The following GNAL variants were observed in gnomAD, a reference collection of about 807,000 sequenced individuals.
The protein encoded by GNAL is G protein subunit alpha L, also known as guanine nucleotide-binding protein G(olf) subunit alpha.
Under a neutral mutation model 55.1 loss-of-function variants are expected in GNAL, and 18 were observed. That is an observed-to-expected ratio of 0.33 (90% confidence interval 0.23 to 0.48). The LOEUF (loss-of-function observed/expected upper bound fraction) is 0.48. GNAL is among the 20% of genes least tolerant of loss of function. The pLI, the probability that GNAL is intolerant of heterozygous loss-of-function variation, is 0.99. For synonymous variants in GNAL, 253 were observed against 237.0 expected (o/e 1.07, Z -0.62); for missense variants, 412 against 614.1 (o/e 0.67, Z 3.48).
intron 1 of GNAL, among the ~76,000 whole-genome samples, chr18:11,724,863 C>T (rs954561327): frequency 1.3e-5 from 2 of 152,162 alleles, no homozygotes; most frequent in African/African-American, 4.8e-5. Context: ...GTCCTTATCC[C>T]CAGAGAATGG....
Position 11,730,085 on chromosome 18 carries a change from C to T in GNAL, c.377-22768C>T, listed in dbSNP as rs112302314. ...GTCTCGCTCTTTCGCCCAGGCCGAA[C>T]TGCAGTGGCGCTATCTCGGCTCACT... On this transcript the variant is annotated intron_variant, in intron 1 of 11. Transcript: ENST00000334049. Among the ~76,000 whole-genome samples the T allele has an allele frequency of 7.3e-3, 1,113 of 151,430 alleles. 16 individuals carry two copies. Among genetic ancestry groups the T allele is most frequent in the African/African-American group, 0.026 (1,052 of 41,084 alleles).
intron 5 of GNAL, among the ~76,000 whole-genome samples, chr18:11,847,802 C>G (rs1317767782): frequency 6.6e-6 from 1 of 152,056 alleles, no homozygotes; most frequent in South Asian, 2.1e-4. Flanking sequence ...AGGACCAAAA[C>G]CTCCTTTAAT....
chr18:11,821,943 C>A (rs373295779), intron 4 of GNAL, among the ~76,000 whole-genome samples: 1 of 152,252 alleles, frequency 6.6e-6, no homozygotes, highest in Non-Finnish European at 1.5e-5. Context: ...GGCCAGAACG[C>A]GCCCAGGCCA....
chr18:11,721,886 CAAAA>C (rs2032101648), intron 1 of GNAL, among the ~76,000 whole-genome samples: 1 of 134,998 alleles, frequency 7.4e-6, no homozygotes, highest in Admixed American at 7.4e-5. Context: ...AACTCTGTCT[CAAAA>C]AATAAATAAA....
intron 5 of GNAL, among the ~76,000 whole-genome samples, chr18:11,834,622 A>G (rs2035460965): frequency 1.3e-5 from 2 of 152,052 alleles, no homozygotes; most frequent in South Asian, 4.1e-4. Flanking sequence ...GGTGGCTGAG[A>G]CAGGAGGATT....
At chr18:11,733,597 G>A (rs1348271781) in intron 1 of GNAL, among the ~76,000 whole-genome samples, 1 of 152,220 alleles carries the variant, frequency 6.6e-6, no homozygotes, top group Non-Finnish European at 1.5e-5. Context: ...ATACTATTCA[G>A]CTGTAAAAAG....
At chr18:11,780,376 T>TA (rs199740761) in intron 4 of GNAL, among the ~76,000 whole-genome samples, 33,888 of 148,382 alleles carry the variant, frequency 0.23, 4,891 homozygotes, top group African/African-American at 0.42. Flanking sequence ...CTCTTATATT[T>TA]AAAAAAAAAA....
At chr18:11,879,850 C>T (rs1053150788) in intron 11 of GNAL, among the ~76,000 whole-genome samples, 1 of 152,218 alleles carries the variant, frequency 6.6e-6, no homozygotes, top group African/African-American at 2.4e-5. Flanking sequence ...CAAACGTTCC[C>T]CCGATAACCA....
chr18:11,698,928 A>C lies in GNAL; in HGVS notation c.376+8989A>C, dbSNP rs573029293. Among the ~76,000 whole-genome samples the C allele has an allele frequency of 2.0e-5, 3 of 146,692 alleles. No individual in the cohort carries two copies. The East Asian group carries it at 5.8e-4, about 28-fold the overall frequency. On this transcript the variant is annotated intron_variant, in intron 1 of 11. Transcript: ENST00000334049. ...TAATGGCAAGCAGGTTTTTCAGTTG[A>C]GTTGAGACCAAGAGACCTAGCTAAT...
chr18:11,769,169 T>C, intron 4 of GNAL, among the ~76,000 whole-genome samples: 1 of 111,284 alleles, frequency 9.0e-6, no homozygotes, highest in South Asian at 3.1e-4. Context: ...ATATGTAATA[T>C]ATATTATAAT....
At chr18:11,737,268 C>T (rs989263352) in intron 1 of GNAL, among the ~76,000 whole-genome samples, 1 of 152,194 alleles carries the variant, frequency 6.6e-6, no homozygotes, top group Non-Finnish European at 1.5e-5. Flanking sequence ...GCTTACTGTG[C>T]ATGTTTTAAT....
At chr18:11,738,649 G>A (rs148110671) in intron 1 of GNAL, among the ~76,000 whole-genome samples, 1,567 of 152,154 alleles carry the variant, frequency 0.01, 25 homozygotes, top group African/African-American at 0.036. Flanking sequence ...GGGTTTCACC[G>A]TGTTGGCCAG....
At chr18:11,808,747 C>G (rs1334755358) in intron 4 of GNAL, among the ~76,000 whole-genome samples, 1 of 152,180 alleles carries the variant, frequency 6.6e-6, no homozygotes, top group Non-Finnish European at 1.5e-5. Flanking sequence ...GTAGAAACAG[C>G]CTAAATGTTC....
At chr18:11,870,354 C>G (rs1182994847) in intron 9 of GNAL, among the ~76,000 whole-genome samples, 1 of 152,070 alleles carries the variant, frequency 6.6e-6, no homozygotes, top group Non-Finnish European at 1.5e-5. Context: ...AACCCCGTCT[C>G]TACTAAAACT....
chr18:11,763,053 T>C (rs1195107918), intron 4 of GNAL, among the ~76,000 whole-genome samples: 2 of 152,238 alleles, frequency 1.3e-5, no homozygotes, highest in African/African-American at 4.8e-5. Context: ...ATAAAGATAC[T>C]TTTCTTAAAT....
chr18:11,860,868 T>TCAGC (rs911652462), intron 5 of GNAL, among the ~76,000 whole-genome samples: 3 of 152,000 alleles, frequency 2.0e-5, no homozygotes, highest in East Asian at 1.9e-4. Flanking sequence ...GAGCGGGAGG[T>TCAGC]CAGCCAGCCA....
intron 1 of GNAL, among the ~76,000 whole-genome samples, chr18:11,744,400 C>T (rs1568006581): frequency 6.6e-6 from 1 of 151,942 alleles, no homozygotes; most frequent in Non-Finnish European, 1.5e-5. Flanking sequence ...CTCTAAAAAT[C>T]GTTAAAATTT....
At chr18:11,758,413 C>T (rs558342915) in intron 4 of GNAL, among the ~76,000 whole-genome samples, 30 of 152,224 alleles carry the variant, frequency 2.0e-4, no homozygotes, top group African/African-American at 7.0e-4. Flanking sequence ...ACCTCGAGCT[C>T]ACGTGATACA....
intron 1 of GNAL, among the ~76,000 whole-genome samples, chr18:11,708,453 A>G (rs1372424971): frequency 1.3e-5 from 2 of 152,168 alleles, no homozygotes; most frequent in Non-Finnish European, 2.9e-5. Context: ...AACAACTACA[A>G]TAGTAACATC....
Sources: allele counts gnomAD v4.1 joint callset (sites outside exome capture counted in the v4.1 genomes callset), GRCh38; gene constraint gnomAD v4.1.1; transcripts MANE v1.5; gene names NCBI Gene and HGNC (gene_info 2026-07-23, HGNC 2026-07-21).